PRKD3: variants seen among roughly 807,000 people sequenced by gnomAD.
PRKD3 encodes serine/threonine-protein kinase D3.
PRKD3 carries 47 observed loss-of-function variants against 99.2 expected under a neutral mutation model. That is an observed-to-expected ratio of 0.47 (90% confidence interval 0.38 to 0.60). The LOEUF (loss-of-function observed/expected upper bound fraction) is 0.60, where lower values mean the gene tolerates loss of function less well. PRKD3 is among the 20% of genes least tolerant of loss of function. The probability of loss-of-function intolerance (pLI) is 0.00; values close to 1 mark genes in which losing one functional copy is unlikely to be tolerated. For synonymous variants in PRKD3, 392 were observed against 355.4 expected, an observed-to-expected ratio of 1.10 and a Z score of -1.16; for missense variants, 1,019 against 1,088.4, an observed-to-expected ratio of 0.94 and a Z score of 0.90.
At chr2:37,323,887 T>C (rs985417007) in intron 1 of PRKD3, among the ~76,000 whole-genome samples, 1 of 152,192 alleles carries the variant, frequency 6.6e-6, no homozygotes, top group East Asian at 1.9e-4. Flanking sequence ...GTTACGTCCA[T>C]GCCATCAATC....
At chr2:37,257,917 G>C (rs1281282430) in intron 16 of PRKD3, among the ~76,000 whole-genome samples, 2 of 152,114 alleles carry the variant, frequency 1.3e-5, no homozygotes, top group Non-Finnish European at 2.9e-5. Context: ...TTTGAAAACA[G>C]TTATATGTAA....
chr2:37,255,447 G>A (rs967194225), intron 17 of PRKD3, among the ~76,000 whole-genome samples: 3 of 152,170 alleles, frequency 2.0e-5, no homozygotes, highest in African/African-American at 7.2e-5. Flanking sequence ...ATCAGTATCA[G>A]CAGACTAAAG....
intron 10 of PRKD3, 39 bp downstream of exon 10, chr2:37,275,728 A>G (rs909607184): frequency 6.4e-7 from 1 of 1,558,530 alleles, no homozygotes; most frequent in African/African-American, 1.4e-5. Flanking sequence ...AACATACACT[A>G]TCTTAATGCT....
intron 11 of PRKD3, 143 bp from the exon 12 acceptor site, chr2:37,272,575 A>G: frequency 9.4e-7 from 1 of 1,059,318 alleles, no homozygotes; most frequent in Non-Finnish European, 1.3e-6. Context: ...ATCTACACAT[A>G]CAACCCATCA....
At chr2:37,303,210 T>C (rs1452505357) in intron 2 of PRKD3, among the ~76,000 whole-genome samples, 1 of 151,960 alleles carries the variant, frequency 6.6e-6, no homozygotes, top group Non-Finnish European at 1.5e-5. Context: ...CCGTCCCCTC[T>C]CCCACATCCC....
intron 2 of PRKD3, 63 bp downstream of exon 2, chr2:37,316,174 T>C (rs1022512059): frequency 3.3e-5 from 48 of 1,461,762 alleles, no homozygotes; most frequent in Middle Eastern, 3.6e-4. Flanking sequence ...CTGGTACACG[T>C]ATAATTTATA....
intron 8 of PRKD3, 84 bp from the exon 9 acceptor site, chr2:37,278,073 G>C (rs763964790): frequency 1.1e-4 from 133 of 1,205,856 alleles, no homozygotes; most frequent in Non-Finnish European, 1.4e-4. Context: ...CCTTTTTAAA[G>C]ACAACTGAGC....
intron 5 of PRKD3, among the ~76,000 whole-genome samples, chr2:37,287,664 T>A (rs189703945): frequency 4.0e-4 from 61 of 152,324 alleles, no homozygotes; most frequent in African/African-American, 1.4e-3. Flanking sequence ...TTCAATTTTG[T>A]GTCCCTAGTA....
At chr2:37,281,676 C>A (rs1228075678) in intron 7 of PRKD3, among the ~76,000 whole-genome samples, 1 of 152,126 alleles carries the variant, frequency 6.6e-6, no homozygotes, top group African/African-American at 2.4e-5. Flanking sequence ...GCTACCTAGC[C>A]TATGGTATTT....
At chr2:37,307,884 C>A (rs1671231037) in intron 2 of PRKD3, among the ~76,000 whole-genome samples, 2 of 152,156 alleles carry the variant, frequency 1.3e-5, no homozygotes, top group Non-Finnish European at 2.9e-5. Context: ...GGGACAAAAA[C>A]CTCAGTGTAT....
chr2:37,324,032 A>G (rs1055997551), intron 1 of PRKD3, among the ~76,000 whole-genome samples: 3 of 152,200 alleles, frequency 2.0e-5, no homozygotes, highest in Non-Finnish European at 4.4e-5. Context: ...ACAGTAGTAT[A>G]TGGTTATTTT....
At chr2:37,281,488 T>A (rs1289271293) in intron 7 of PRKD3, among the ~76,000 whole-genome samples, 1 of 152,124 alleles carries the variant, frequency 6.6e-6, no homozygotes, top group Non-Finnish European at 1.5e-5. Flanking sequence ...ATCTTTGGGA[T>A]GGGTGCCCTT....
At chr2:37,293,293 T>A (rs1191685811) in intron 2 of PRKD3, 22 bp from the exon 3 acceptor site, 3 of 1,546,440 alleles carry the variant, frequency 1.9e-6, no homozygotes, top group Non-Finnish European at 2.6e-6. Flanking sequence ...TAGTCCTATA[T>A]CAGTATGACC....
rs201117785 is a variant in PRKD3 at position 37,282,547 on chromosome 2, T to C, written c.983A>G (p.Asn328Ser). 155 of 1,574,380 alleles carry C rather than the reference T, an allele frequency of 9.8e-5. No individual in the cohort carries two copies. The highest frequency in any genetic ancestry group is 1.3e-4 in the Non-Finnish European group (150 of 1,145,032). ...PRDCLGEVTFNGEPSSLGTDT... is the reference protein window; with the variant it reads ...PRDCLGEVTFSGEPSSLGTDT... ...ATTAAGAAAAATAATTTTACCTCCA[T>C]TGAAAGTAACCTCTCCAAGGCAGTC... Residue 328 changes from asparagine (N) to serine (S), a missense_variant, in exon 7 of 19, where the codon AAT (asparagine) becomes AGT (serine). Asn to Ser is a conservative substitution (Grantham distance 46). Around this residue, in one of 3 missense-constraint regions of PRKD3, gnomAD observed 710 missense variants for 692.7 expected, o/e 1.02. Coordinates refer to ENST00000234179, the MANE Select transcript of PRKD3 (RefSeq NM_005813.6).
At chr2:37,276,045 C>T (rs1424473621) in intron 9 of PRKD3, among the ~76,000 whole-genome samples, 1 of 152,152 alleles carries the variant, frequency 6.6e-6, no homozygotes, top group Non-Finnish European at 1.5e-5. Flanking sequence ...CCACTCCTCA[C>T]CCTTACTCCA....
At chr2:37,306,436 G>C (rs1047710741) in intron 2 of PRKD3, among the ~76,000 whole-genome samples, 1 of 152,128 alleles carries the variant, frequency 6.6e-6, no homozygotes, top group Non-Finnish European at 1.5e-5. Flanking sequence ...ACAATATGAA[G>C]ATATAGGAAC....
rs185410607 is a variant in PRKD3 at position 37,303,707 on chromosome 2, C to T, written c.289-10436G>A. On this transcript the variant is annotated intron_variant, in intron 2 of 18. Transcript: ENST00000234179. ...AGAGGTCAAGAAAAATCCTACATCA[C>T]TGAGATTACAGGTATGAGCTGCCGT... 2.1e-4 allele frequency among the ~76,000 whole-genome samples: 32 copies of T among 152,270 alleles called. 1 individual carries two copies. The highest frequency in any genetic ancestry group is 2.0e-3 in the Admixed American group (30 of 15,300).
intron 16 of PRKD3, among the ~76,000 whole-genome samples, chr2:37,258,268 G>T (rs1668135045): frequency 6.6e-6 from 1 of 152,206 alleles, no homozygotes; most frequent in African/African-American, 2.4e-5. Flanking sequence ...TTTTATGAAT[G>T]ATATTTGCTC....
chr2:37,319,419 C>G (rs901933132), intron 1 of PRKD3, among the ~76,000 whole-genome samples: 1 of 152,074 alleles, frequency 6.6e-6, no homozygotes, highest in Non-Finnish European at 1.5e-5. Context: ...AAAGAATATG[C>G]TTATAAAATC....
Sources: gnomAD v4.1 joint callset for allele counts (sites outside exome capture counted in the v4.1 genomes callset) on GRCh38, gnomAD v4.1.1 for gene constraint, gnomAD v4.1.1 regional missense constraint, MANE v1.5 for transcripts, NCBI Gene and HGNC (gene_info 2026-07-23, HGNC 2026-07-21) for gene names.